Variants in NELL1 observed in about 807,000 individuals in gnomAD.
NELL1 encodes the protein neural EGFL like 1, also known as protein kinase C-binding protein NELL1.
Under a neutral mutation model 107.4 loss-of-function variants are expected in NELL1, and 76 were observed. The ratio of observed to expected loss-of-function variants is 0.71; its 90% CI spans 0.59 to 0.86. The LOEUF (loss-of-function observed/expected upper bound fraction) is 0.86. Ranked by LOEUF, NELL1 falls within the 40% of genes least tolerant of loss-of-function variation. The probability of loss-of-function intolerance (pLI) is 0.00; values close to 1 mark genes in which losing one functional copy is unlikely to be tolerated. For synonymous variants in NELL1, 353 were observed against 341.2 expected (o/e 1.03, Z -0.38); for missense variants, 1,024 against 1,005.5 (o/e 1.02, Z -0.25).
intron 14 of NELL1, among the ~76,000 whole-genome samples, chr11:21,236,515 C>A (rs2133892634): frequency 6.6e-6 from 1 of 152,182 alleles, no homozygotes; most frequent in East Asian, 1.9e-4. Flanking sequence ...AGTGGACCTG[C>A]TATTTAAGTT....
At chr11:21,297,795 C>T (rs1425647428) in intron 14 of NELL1, among the ~76,000 whole-genome samples, 2 of 151,906 alleles carry the variant, frequency 1.3e-5, no homozygotes, top group Non-Finnish European at 2.9e-5. Flanking sequence ...TAAGCAGGAT[C>T]TATGAGAGGA....
intron 15 of NELL1, among the ~76,000 whole-genome samples, chr11:21,428,583 C>A (rs867548397): frequency 6.6e-6 from 1 of 152,044 alleles, no homozygotes; most frequent in Non-Finnish European, 1.5e-5. Context: ...TCTTGCTTTA[C>A]TCAAAAGAAA....
intron 3 of NELL1, among the ~76,000 whole-genome samples, chr11:20,824,364 A>G (rs1857826667): frequency 6.6e-6 from 1 of 151,244 alleles, no homozygotes; most frequent in African/African-American, 2.4e-5. Context: ...ACTACAGTAA[A>G]TTGGTGCCAG....
intron 13 of NELL1, among the ~76,000 whole-genome samples, chr11:21,136,626 C>A (rs1855749702): frequency 6.6e-6 from 1 of 152,122 alleles, no homozygotes; most frequent in African/African-American, 2.4e-5. Flanking sequence ...CAAACTGAGT[C>A]ATTTGCAAAT....
At chr11:21,108,786 C>G (rs1253765699) in intron 12 of NELL1, among the ~76,000 whole-genome samples, 1 of 151,928 alleles carries the variant, frequency 6.6e-6, no homozygotes, top group Non-Finnish European at 1.5e-5. Flanking sequence ...TTAAAAGAGC[C>G]AAGGAAGCAG....
At chr11:21,223,550 A>G (rs1857815694) in intron 13 of NELL1, among the ~76,000 whole-genome samples, 1 of 152,112 alleles carries the variant, frequency 6.6e-6, no homozygotes, top group South Asian at 2.1e-4. Context: ...GGAAATCAAA[A>G]CCATTAATAT....
chr11:21,562,130 C>A (rs755522119), intron 17 of NELL1, among the ~76,000 whole-genome samples: 8 of 152,000 alleles, frequency 5.3e-5, no homozygotes, highest in Non-Finnish European at 1.0e-4. Context: ...GAGTAAAATT[C>A]TTCTTTCAGT....
intron 2 of NELL1, among the ~76,000 whole-genome samples, chr11:20,734,607 C>A (rs1167457839): frequency 6.6e-6 from 1 of 152,082 alleles, no homozygotes; most frequent in Non-Finnish European, 1.5e-5. Flanking sequence ...GTGGTATTAC[C>A]ATTGGAAAGA....
chr11:20,804,392 C>T (rs991488681), intron 3 of NELL1, among the ~76,000 whole-genome samples: 12 of 152,120 alleles, frequency 7.9e-5, no homozygotes, highest in Non-Finnish European at 1.0e-4. Context: ...CGTGCCACCA[C>T]ATCTGGCTAA....
chr11:21,208,892 C>T (rs1857442737), intron 13 of NELL1, among the ~76,000 whole-genome samples: 1 of 152,164 alleles, frequency 6.6e-6, no homozygotes, highest in African/African-American at 2.4e-5. Flanking sequence ...AGACTCAGAT[C>T]TCCAATACTA....
At chr11:21,061,712 G>A (rs1181052185) in intron 12 of NELL1, among the ~76,000 whole-genome samples, 1 of 152,082 alleles carries the variant, frequency 6.6e-6, no homozygotes, top group East Asian at 1.9e-4. Context: ...TGATACTTCG[G>A]ATTTTGCTGT....
intron 13 of NELL1, among the ~76,000 whole-genome samples, chr11:21,186,993 T>A (rs1856948448): frequency 6.6e-6 from 1 of 151,916 alleles, no homozygotes; most frequent in South Asian, 2.1e-4. Context: ...GTCATTTCTG[T>A]CATTGGTGAA....
intron 13 of NELL1, among the ~76,000 whole-genome samples, chr11:21,222,784 G>A (rs1162869902): frequency 6.6e-6 from 1 of 151,818 alleles, no homozygotes; most frequent in Non-Finnish European, 1.5e-5. Flanking sequence ...TTTCTTCATT[G>A]ACCCAGTGGT....
At chr11:20,823,583 G>T (rs1271198238) in intron 3 of NELL1, among the ~76,000 whole-genome samples, 1 of 151,392 alleles carries the variant, frequency 6.6e-6, no homozygotes, top group Admixed American at 6.6e-5. Flanking sequence ...ATTGCTTGGA[G>T]AGCTTTTAAA....
Position 21,573,377 on chromosome 11 carries a change from G to A in NELL1, c.2350G>A (p.Ala784Thr), listed in dbSNP as rs1857149803. The change falls in exon 19 of 20, where the codon GCT (alanine) becomes ACT (threonine). Residue 784 changes from alanine (A) to threonine (T), a missense_variant. Transcript: ENST00000357134. ...SRLSGSVWTM[A>T]GSPCTTCKCK... ...GCTTAGTGGCTCAGTGTGGACGATG[G>A]CTGGATCTCCCTGCACAACCTGTAA... The A allele has an allele frequency of 2.5e-6, 4 of 1,612,074 alleles. No individual in the cohort carries two copies. In the South Asian group the frequency reaches 3.3e-5, roughly 13 times the overall value.
At chr11:20,969,410 A>G (rs1048732610) in intron 12 of NELL1, among the ~76,000 whole-genome samples, 12 of 152,216 alleles carry the variant, frequency 7.9e-5, no homozygotes, top group African/African-American at 2.2e-4. Flanking sequence ...TACCAGAGGT[A>G]AATGTATTCT....
intron 2 of NELL1, among the ~76,000 whole-genome samples, chr11:20,745,233 G>A (rs148778772): frequency 1.3e-5 from 2 of 152,076 alleles, no homozygotes; most frequent in Admixed American, 6.6e-5. Context: ...TTTGTTTTTT[G>A]TCCAGCCATC....
chr11:21,494,613 A>T (rs563262269), intron 15 of NELL1, among the ~76,000 whole-genome samples: 1 of 151,956 alleles, frequency 6.6e-6, no homozygotes, highest in Non-Finnish European at 1.5e-5. Flanking sequence ...TCAGCAACTT[A>T]TTCTACTCCT....
intron 14 of NELL1, among the ~76,000 whole-genome samples, chr11:21,270,477 G>T (rs988931914): frequency 7.9e-5 from 12 of 151,994 alleles, no homozygotes; most frequent in Non-Finnish European, 1.8e-4. Flanking sequence ...TCTCCAAAAA[G>T]ATATACACAA....
Sources: gnomAD v4.1 joint callset for allele counts (sites outside exome capture counted in the v4.1 genomes callset) on GRCh38, gnomAD v4.1.1 for gene constraint, MANE v1.5 for transcripts, NCBI Gene and HGNC (gene_info 2026-07-23, HGNC 2026-07-21) for gene names.